RAB37: variants seen among roughly 807,000 people sequenced by gnomAD.
RAB37 encodes the protein ras-related protein Rab-37.
RAB37 carries 29 observed loss-of-function variants against 33.1 expected under a neutral mutation model. That is an observed-to-expected ratio of 0.88 (90% CI 0.65 to 1.20). RAB37 has a LOEUF of 1.20. RAB37 is among the 50% of genes most tolerant of loss of function. The pLI, the probability that RAB37 is intolerant of heterozygous loss-of-function variation, is 0.00. For missense variants in RAB37, 299 were observed against 301.1 expected, an observed-to-expected ratio of 0.99 and a Z score of 0.05; for synonymous variants, 128 against 119.5, an observed-to-expected ratio of 1.07 and a Z score of -0.47.
intron 1 of RAB37, among the ~76,000 whole-genome samples, chr17:74,682,147 C>T (rs1402481301): frequency 6.6e-6 from 1 of 152,196 alleles, no homozygotes; most frequent in Admixed American, 6.5e-5. Context: ...TTATTCTTGA[C>T]TGCAAAAGGG....
chr17:74,719,017 A>G (rs12947526), intron 1 of RAB37, among the ~76,000 whole-genome samples: 2,919 of 152,324 alleles, frequency 0.019, 66 homozygotes, highest in Admixed American at 0.062. Context: ...GGGTCTGTGG[A>G]AAAATCCCTG....
intron 1 of RAB37, among the ~76,000 whole-genome samples, chr17:74,715,976 G>T (rs2034160184): frequency 6.6e-6 from 1 of 152,192 alleles, no homozygotes; most frequent in South Asian, 2.1e-4. Context: ...GTTGCAGTAA[G>T]CCGAGGTCAC....
chr17:74,681,446 G>T (rs554608639), intron 1 of RAB37, among the ~76,000 whole-genome samples: 34 of 152,334 alleles, frequency 2.2e-4, no homozygotes, highest in African/African-American at 8.2e-4. Context: ...CCAGTGCAAA[G>T]ACCCCTGTCC....
intron 1 of RAB37, among the ~76,000 whole-genome samples, chr17:74,706,142 C>A (rs2143809585): frequency 6.6e-6 from 1 of 152,058 alleles, no homozygotes; most frequent in Admixed American, 6.6e-5. Flanking sequence ...AAAAAACTAC[C>A]AATTGGGTAC....
chr17:74,698,210 G>T (rs991946371), intron 1 of RAB37, among the ~76,000 whole-genome samples: 1 of 152,164 alleles, frequency 6.6e-6, no homozygotes. Flanking sequence ...CAAGCTCCAG[G>T]GCGCCCCCCG....
intron 1 of RAB37, among the ~76,000 whole-genome samples, chr17:74,702,031 A>G (rs913071750): frequency 1.3e-5 from 2 of 151,896 alleles, no homozygotes; most frequent in Non-Finnish European, 2.9e-5. Flanking sequence ...AATAAAAAAA[A>G]AGAAAACTTT....
chr17:74,692,951 G>A (rs2032191492), intron 1 of RAB37, among the ~76,000 whole-genome samples: 1 of 152,152 alleles, frequency 6.6e-6, no homozygotes, highest in African/African-American at 2.4e-5. Context: ...TAGGCACGGG[G>A]GATATGGGAG....
Position 74,744,367 on chromosome 17 carries a change from C to A in RAB37, c.426C>A (p.Gly142=), listed in dbSNP as rs751028153. 9 of 1,613,962 alleles carry A rather than the reference C, an allele frequency of 5.6e-6. No individual in the cohort carries two copies. The highest frequency in any genetic ancestry group is 3.3e-4 in the Middle Eastern group (2 of 6,084). ...AQRDVVIMLL[G]NKADMSSERV... ...GGGACGTGGTGATCATGCTGCTAGG[C>A]AACAAGGTGAGTGGCTCCGGGGCAG... is the stretch of plus-strand genomic sequence containing the variant. Residue 142 remains glycine (G), a synonymous_variant, in exon 6 of 9, where the codon GGC becomes GGA. Transcript: ENST00000392613. This position sits in a 1 kb window ranked among gnomAD's most constrained non-coding sequence, Gnocchi z 4.2.
rs750086066 is a variant in RAB37 at position 74,730,505 on chromosome 17, A to G, written c.183+1139A>G. ...TTCTGGGGCCTAGAATCGGCCCTGA[A>G]ACACCAGTTCCCAGGGCTCTCCCCA... On this transcript the variant is annotated intron_variant, in intron 2 of 7. Transcript: ENST00000340415. This position sits in a 1 kb window ranked among gnomAD's most constrained non-coding sequence, Gnocchi z 4.4. 5.3e-5 allele frequency among the ~76,000 whole-genome samples: 8 copies of G among 152,108 alleles called. No individual in the cohort carries two copies. The highest frequency in any genetic ancestry group is 1.3e-4 in the Admixed American group (2 of 15,276).
At chr17:74,737,473 G>A (rs1444596346) in intron 1 of RAB37, 108 bp downstream of exon 1, 1 of 1,239,916 alleles carries the variant, frequency 8.1e-7, no homozygotes, top group African/African-American at 1.5e-5. Flanking sequence ...GTCTCCCAGA[G>A]GAGGGAGGGA....
chr17:74,720,238 C>A (rs1206647165), intron 1 of RAB37, among the ~76,000 whole-genome samples: 1 of 152,160 alleles, frequency 6.6e-6, no homozygotes, highest in East Asian at 1.9e-4. Context: ...AGGGCTGGGA[C>A]GAGTACTTTT....
intron 1 of RAB37, chr17:74,695,803 G>C (rs142837945): frequency 6.2e-7 from 1 of 1,614,158 alleles, no homozygotes; most frequent in African/African-American, 1.3e-5. Flanking sequence ...GGGAGGTTCC[G>C]GCCAGCTGCA....
Position 74,671,688 on chromosome 17 carries a change from C to T in RAB37, c.72+30C>T, listed in dbSNP as rs539135301. 28 of 1,605,866 alleles carry T rather than the reference C, an allele frequency of 1.7e-5. No individual in the cohort carries two copies. The South Asian group carries it at 3.1e-4, about 18-fold the overall frequency. ...ACATCTCCTGTATTCCTCAACCTAA[C>T]GTTGGAAGAGGCGCCAGCACCAGGA... On this transcript the variant is annotated intron_variant, in intron 1 of 7. Coordinates refer to the RAB37 transcript ENST00000340415. This position sits in a 1 kb window ranked among gnomAD's most constrained non-coding sequence, Gnocchi z 5.0.
intron 1 of RAB37, among the ~76,000 whole-genome samples, chr17:74,701,712 T>C (rs1460026848): frequency 6.6e-6 from 1 of 152,034 alleles, no homozygotes; most frequent in Non-Finnish European, 1.5e-5. Context: ...TGGCCGGGCA[T>C]GGTGGCTTAC....
intron 1 of RAB37, among the ~76,000 whole-genome samples, chr17:74,683,883 G>A (rs531632697): frequency 2.6e-5 from 4 of 152,264 alleles, no homozygotes; most frequent in Non-Finnish European, 4.4e-5. Flanking sequence ...CAGCATCTGC[G>A]AGGGTCACGG....
At chr17:74,723,554 G>T (rs1487489223) in intron 1 of RAB37, among the ~76,000 whole-genome samples, 2 of 149,820 alleles carry the variant, frequency 1.3e-5, no homozygotes, top group East Asian at 3.9e-4. Flanking sequence ...AGAGGTTTCT[G>T]TCTGAACCAC....
rs1488120663 is a variant in RAB37 at position 74,740,764 on chromosome 17, CT to C, written c.94-3del. 6 of 1,609,348 alleles carry C rather than the reference CT, an allele frequency of 3.7e-6. No homozygotes were observed. The African/African-American group carries it at 4.0e-5, about 11-fold the overall frequency. On this transcript the variant is annotated splice_polypyrimidine_tract_variant and splice_region_variant and intron_variant, in intron 1 of 8. Transcript: ENST00000392613. ...CATTAACTGCCTCTGCCCCTACCCC[CT>C]AGGTGATGCTTCTGGGAGACACAGG...
At chr17:74,686,981 T>C (rs949380218) in intron 1 of RAB37, among the ~76,000 whole-genome samples, 8 of 152,206 alleles carry the variant, frequency 5.3e-5, no homozygotes, top group African/African-American at 1.9e-4. Flanking sequence ...GCGTCATTGA[T>C]AGAGGGCAGC....
rs936363213 is a variant in RAB37, at chr17:74,744,585, C to T, written c.432+212C>T. On this transcript the variant is annotated intron_variant, in intron 6 of 8. Transcript: ENST00000392613. This position sits in a 1 kb window ranked among gnomAD's most constrained non-coding sequence, Gnocchi z 4.2. ...TTGTTGCCTGAGAAATCAAGGGGTGCCCAGTTCTCAGCCCCCATTAGAGCA... is the reference window on the plus strand; with the variant it reads ...TTGTTGCCTGAGAAATCAAGGGGTGTCCAGTTCTCAGCCCCCATTAGAGCA... The T allele has an allele frequency of 6.3e-6, 4 of 632,178 alleles. No individual in the cohort carries two copies. Among genetic ancestry groups the T allele is most frequent in the African/African-American group, 3.7e-5 (2 of 54,578 alleles). 39.2% of individuals were successfully genotyped at this position (632,178 alleles called of 1,614,324 possible).
Sources: allele counts gnomAD v4.1 joint callset (sites outside exome capture counted in the v4.1 genomes callset), GRCh38; gene constraint gnomAD v4.1.1; non-coding constraint Gnocchi (gnomAD v3.1); transcripts MANE v1.5; gene names NCBI Gene and HGNC (gene_info 2026-07-23, HGNC 2026-07-21).